NBEA: variants seen among roughly 807,000 people sequenced by gnomAD.
NBEA encodes lysosomal-trafficking regulator 2.
In NBEA, 44 loss-of-function variants were observed where a neutral mutation model predicts 343.4. The observed-to-expected ratio is 0.13, with a 90% CI of 0.10 to 0.16. The LOEUF (loss-of-function observed/expected upper bound fraction) is 0.16, where lower values mean the gene tolerates loss of function less well. NBEA is among the 10% of genes least tolerant of loss of function. The pLI is 1.00. For missense variants in NBEA, 2,555 were observed against 3,631.3 expected, an observed-to-expected ratio of 0.70 and a Z score of 7.62; for synonymous variants, 1,175 against 1,238.7, an observed-to-expected ratio of 0.95 and a Z score of 1.08.
chr13:35,206,343 A>G (rs1056610167), intron 31 of NBEA, among the ~76,000 whole-genome samples: 2 of 152,112 alleles, frequency 1.3e-5, no homozygotes, highest in African/African-American at 2.4e-5. Context: ...TAGCACTGTT[A>G]ATTAGCTCAT....
intron 36 of NBEA, among the ~76,000 whole-genome samples, chr13:35,322,198 T>C (rs1240798158): frequency 6.6e-6 from 1 of 152,150 alleles, no homozygotes; most frequent in African/African-American, 2.4e-5. Flanking sequence ...CTGTCCAGTT[T>C]TGTGCTTGAA....
At chr13:35,191,949 CAT>C (rs558502245) in intron 30 of NBEA, among the ~76,000 whole-genome samples, 258 of 152,104 alleles carry the variant, frequency 1.7e-3, no homozygotes, top group African/African-American at 6.1e-3. Context: ...AAGTTGTCCT[CAT>C]ATTTTTCTCA....
Position 35,472,385 on chromosome 13 carries a change from G to GTCCT in NBEA, c.6449-13_6449-10dup. 6.2e-7 allele frequency: 1 copy of GTCCT among 1,611,690 alleles called. No homozygotes were observed. The highest frequency in any genetic ancestry group is 8.5e-7 in the Non-Finnish European group (1 of 1,179,028). The stretch of plus-strand genomic sequence containing the variant: ...ACAGGGGCTCAGCCTGACTCCCCTT[G>GTCCT]TCCTTGCCTTGCAGGCCCAGTGGTT... On this transcript the variant is annotated splice_polypyrimidine_tract_variant and intron_variant, in intron 40 of 58. Coordinates refer to ENST00000379939, the MANE Select transcript of NBEA (RefSeq NM_001385012.1).
chr13:35,626,060 G>A (rs1323992179), intron 48 of NBEA, among the ~76,000 whole-genome samples: 1 of 152,142 alleles, frequency 6.6e-6, no homozygotes, highest in Non-Finnish European at 1.5e-5. Flanking sequence ...TGTTACCAGG[G>A]GAGTTTTGTG....
At chr13:35,264,445 A>G (rs1367278332) in intron 34 of NBEA, among the ~76,000 whole-genome samples, 1 of 152,018 alleles carries the variant, frequency 6.6e-6, no homozygotes, top group African/African-American at 2.4e-5. Context: ...ACATTATGAA[A>G]AAAGAAAACT....
intron 31 of NBEA, among the ~76,000 whole-genome samples, chr13:35,204,099 C>G (rs79029340): frequency 1.3e-5 from 2 of 152,252 alleles, no homozygotes; most frequent in African/African-American, 4.8e-5. Context: ...TCTGCATTTA[C>G]AGCTGCTCCT....
intron 41 of NBEA, among the ~76,000 whole-genome samples, chr13:35,506,962 C>T (rs926660899): frequency 1.3e-5 from 2 of 152,060 alleles, no homozygotes; most frequent in African/African-American, 2.4e-5. Flanking sequence ...GTTAATTTTT[C>T]CCCTTCTGGC....
rs1880387248 is a variant in NBEA at position 35,612,074 on chromosome 13, T to G, written c.7449+5496T>G. On this transcript the variant is annotated intron_variant, in intron 48 of 58. Transcript: ENST00000379939. ...CCTCACTCCCACTTGTTATTACCTG[T>G]TTTTTTTTTTTATTACAGCCATTCT... Among the ~76,000 whole-genome samples, 4 of 100,356 alleles carry G rather than the reference T, an allele frequency of 4.0e-5. No individual in the cohort carries two copies. In the South Asian group the frequency reaches 1.4e-3, roughly 36 times the overall value. 65.8% of individuals were successfully genotyped at this position (100,356 alleles called of 152,430 possible).
chr13:35,667,975 T>G (rs1164505808), intron 57 of NBEA, among the ~76,000 whole-genome samples: 1 of 152,226 alleles, frequency 6.6e-6, no homozygotes, highest in East Asian at 1.9e-4. Flanking sequence ...AATTGCTGGG[T>G]TGTCATTATT....
intron 1 of NBEA, among the ~76,000 whole-genome samples, chr13:35,007,044 T>C (rs966085344): frequency 8.6e-5 from 13 of 151,042 alleles, no homozygotes; most frequent in African/African-American, 3.2e-4. Context: ...AAAACAATTC[T>C]GATTTTTAGC....
intron 34 of NBEA, among the ~76,000 whole-genome samples, chr13:35,238,597 A>C (rs2075341680): frequency 6.6e-6 from 1 of 152,144 alleles, no homozygotes; most frequent in South Asian, 2.1e-4. Context: ...CAGGCCTATT[A>C]CTTTGTTCCT....
At chr13:35,383,988 G>A (rs538124449) in intron 38 of NBEA, among the ~76,000 whole-genome samples, 1 of 152,118 alleles carries the variant, frequency 6.6e-6, no homozygotes, top group East Asian at 1.9e-4. Context: ...GGCCAAAAGA[G>A]AGTCAATCTG....
At chr13:35,036,249 G>T (rs1407894125) in intron 1 of NBEA, among the ~76,000 whole-genome samples, 2 of 151,912 alleles carry the variant, frequency 1.3e-5, no homozygotes, top group Non-Finnish European at 2.9e-5. Flanking sequence ...AACACTATTT[G>T]CATAAGCAAA....
At chr13:35,373,574 G>A (rs2041568277) in intron 38 of NBEA, among the ~76,000 whole-genome samples, 1 of 151,716 alleles carries the variant, frequency 6.6e-6, no homozygotes, top group African/African-American at 2.4e-5. Flanking sequence ...GCATGGTGGT[G>A]CATGCCTGTA....
chr13:35,324,473 A>G (rs2038399555), intron 36 of NBEA, among the ~76,000 whole-genome samples: 1 of 152,176 alleles, frequency 6.6e-6, no homozygotes, highest in Non-Finnish European at 1.5e-5. Flanking sequence ...ATTAAGAAAA[A>G]CTTATTGTTA....
rs143693369 is a variant in NBEA at position 35,149,705 on chromosome 13, T to C, written c.2446-6069T>C. Among the ~76,000 whole-genome samples the C allele has an allele frequency of 9.2e-5, 14 of 152,298 alleles. No individual in the cohort carries two copies. The East Asian group carries it at 2.3e-3, about 25-fold the overall frequency. On this transcript the variant is annotated intron_variant, in intron 18 of 58. Transcript: ENST00000379939. ...AAGTTTTTAATCATTGTTTTACCTA[T>C]GTGAATTTTTGAGCATCTGCTTATT...
chr13:35,615,161 G>A (rs1288523448), intron 48 of NBEA, among the ~76,000 whole-genome samples: 1 of 136,938 alleles, frequency 7.3e-6, no homozygotes, highest in Non-Finnish European at 1.6e-5. Flanking sequence ...AAATTAACAA[G>A]GCATGGTGGT....
intron 30 of NBEA, among the ~76,000 whole-genome samples, chr13:35,188,530 T>C (rs2071903548): frequency 6.6e-6 from 1 of 152,270 alleles, no homozygotes; most frequent in East Asian, 1.9e-4. Context: ...AATGCAGTAT[T>C]CTCCAGATTC....
At chr13:35,293,251 T>A (rs1050701682) in intron 35 of NBEA, among the ~76,000 whole-genome samples, 1 of 151,980 alleles carries the variant, frequency 6.6e-6, no homozygotes, top group Non-Finnish European at 1.5e-5. Flanking sequence ...TACCCCCCAA[T>A]GTAATTTTTC....
Sources: allele counts gnomAD v4.1 joint callset (sites outside exome capture counted in the v4.1 genomes callset), GRCh38; gene constraint gnomAD v4.1.1; transcripts MANE v1.5; gene names NCBI Gene and HGNC (gene_info 2026-07-23, HGNC 2026-07-21).